Variants in MYLIP observed in about 807,000 individuals in gnomAD.
The protein encoded by MYLIP is E3 ubiquitin-protein ligase MYLIP.
A neutral mutation model predicts 45.8 loss-of-function variants in MYLIP; 26 were observed. The ratio of observed to expected loss-of-function variants is 0.57; its 90% CI spans 0.42 to 0.79. The LOEUF is 0.79. Ranked by LOEUF, MYLIP falls within the 30% of genes least tolerant of loss-of-function variation. MYLIP has a pLI of 0.00. For synonymous variants in MYLIP, 213 were observed against 218.1 expected (o/e 0.98, Z 0.21); for missense variants, 494 against 555.6 (o/e 0.89, Z 1.11).
chr6:16,157,347 G>T, the MYLIP span, among the ~76,000 whole-genome samples: 1 of 152,322 alleles, frequency 6.6e-6, no homozygotes, highest in Admixed American at 6.5e-5. Context: ...TCAGAGGTGT[G>T]TATGTGTGTT....
Position 16,144,918 on chromosome 6 carries a change from C to T in MYLIP, c.849C>T (p.Ala283=), listed in dbSNP as rs572045771. Residue 283 remains alanine (A), a synonymous_variant, in exon 6 of 7, where the codon GCC becomes GCT. Transcript: ENST00000356840. The part of the protein sequence containing the change: ...AFYRCDTVTS[A]VMMQYSRDLK... ...GCAGGTGTGACACAGTGACCAGCGC[C>T]GTGATGATGCAGTATAGCCGTGACT... 3.2e-5 allele frequency: 51 copies of T among 1,613,682 alleles called. No individual in the cohort carries two copies. Among genetic ancestry groups the T allele is most frequent in the Non-Finnish European group, 3.7e-5 (44 of 1,179,674 alleles).
chr6:16,151,225 C>T (rs1299899319), downstream of MYLIP, among the ~76,000 whole-genome samples: 3 of 151,246 alleles, frequency 2.0e-5, no homozygotes, highest in African/African-American at 4.9e-5. Flanking sequence ...GGCACGGTAG[C>T]GGGTGCCTGC....
At position 16,145,150 on chromosome 6, in the gene MYLIP, A is replaced by G; in HGVS notation, c.1081A>G (p.Ser361Gly). The G allele has an allele frequency of 3.7e-6, 6 of 1,614,222 alleles. No homozygotes were observed. Among genetic ancestry groups the G allele is most frequent in the Non-Finnish European group, 4.2e-6 (5 of 1,180,046 alleles). The change falls in exon 6 of 7, where the codon AGC (serine) becomes GGC (glycine). Residue 361 changes from serine to glycine, a missense_variant. Ser to Gly is a moderately conservative substitution (Grantham distance 56). Transcript: ENST00000356840. ...GTCCTCAGAAAGCAGCATGAACTGC[A>G]GCAGCTGCGAGGGCCTCAGCTGCCA... Reference protein sequence around the residue: ...LKSSESSMNCSSCEGLSCQQT... With the variant: ...LKSSESSMNCGSCEGLSCQQT...
Position 16,143,290 on chromosome 6 carries a change from G to GGAA in MYLIP, c.662+75_662+77dup, listed in dbSNP as rs61711295. 3.6e-3 allele frequency: 5,147 copies of GGAA among 1,448,138 alleles called. 145 individuals are homozygous for GGAA. In the African/African-American group the frequency reaches 0.06, roughly 17 times the overall value. 89.7% of individuals were successfully genotyped at this position (1,448,138 alleles called of 1,614,324 possible). A position where few individuals can be genotyped will look rare whatever the true frequency, so the allele number is the denominator to read the frequency against. ...GTAGCTGTCAATGTAATAGAAAATA[G>GGAA]GAAGGGATTTACTCGACAGTCAGCT... On this transcript the variant is annotated intron_variant, in intron 4 of 6. Coordinates refer to ENST00000356840, the MANE Select transcript of MYLIP (RefSeq NM_013262.4).
chr6:16,147,288 G>A lies in MYLIP; in HGVS notation c.*537G>A, dbSNP rs1759813262. On this transcript the variant is annotated 3_prime_UTR_variant, in exon 7 of 7. Coordinates refer to ENST00000356840, the MANE Select transcript of MYLIP (RefSeq NM_013262.4). Reference sequence around the variant, plus strand: ...TAACTTGATCAAGAATGATTGGAAGGCAAACAGGTTTACAAATCAATTCTG... The same window carrying A: ...TAACTTGATCAAGAATGATTGGAAGACAAACAGGTTTACAAATCAATTCTG... The A allele has an allele frequency of 6.5e-6, 1 of 153,458 alleles. No homozygotes were observed. The highest frequency in any genetic ancestry group is 1.5e-5 in the Non-Finnish European group (1 of 68,608). 9.5% of individuals were successfully genotyped at this position (153,458 alleles called of 1,614,324 possible).
downstream of MYLIP, among the ~76,000 whole-genome samples, chr6:16,149,175 A>C (rs1355797566): frequency 2.0e-5 from 3 of 152,226 alleles, no homozygotes; most frequent in African/African-American, 7.2e-5. Flanking sequence ...AGAATCCACG[A>C]ATACTAGCAT....
chr6:16,130,490 G>A lies in MYLIP; in HGVS notation c.88-67G>A, dbSNP rs373554271. On this transcript the variant is annotated intron_variant, in intron 1 of 6. Coordinates refer to ENST00000356840, the MANE Select transcript of MYLIP (RefSeq NM_013262.4). Reference sequence around the variant, plus strand: ...AAAAGCACCAGCAATCTTAGCCTCAGGGAGCCGTTGGGTTTGCTTTGATAC... The same window carrying A: ...AAAAGCACCAGCAATCTTAGCCTCAAGGAGCCGTTGGGTTTGCTTTGATAC... 2.9e-5 allele frequency: 43 copies of A among 1,479,300 alleles called. No individual in the cohort carries two copies. The East Asian group carries it at 3.4e-4, about 12-fold the overall frequency. 91.6% of individuals were successfully genotyped at this position (1,479,300 alleles called of 1,614,324 possible).
rs765116596 is a variant in MYLIP at position 16,135,748 on chromosome 6, C to CATATATATATATATATATATAT, written c.278+5007_278+5008insATATATATATATATATATATAT. ...TACACACATTATATGTGTGTGTATA[C>CATATATATATATATATATATAT]ATATATCTATATATATATATATATA... On this transcript the variant is annotated intron_variant, in intron 2 of 6. Transcript: ENST00000356840. Among the ~76,000 whole-genome samples, 209 of 113,014 alleles carry CATATATATATATATATATATAT rather than the reference C, an allele frequency of 1.8e-3. 4 individuals are homozygous for CATATATATATATATATATATAT. Among genetic ancestry groups the CATATATATATATATATATATAT allele is most frequent in the Admixed American group, 5.3e-3 (52 of 9,784 alleles). The allele number at this position is 113,014 out of a possible 152,430, so 74.1% of individuals were successfully genotyped here.
chr6:16,144,782 C>A, intron 5 of MYLIP, 115 bp from the exon 6 acceptor site: 1 of 1,176,356 alleles, frequency 8.5e-7, no homozygotes, highest in Non-Finnish European at 1.2e-6. Context: ...TACTTTCATA[C>A]ATGCAGACGA....
chr6:16,152,240 C>T (rs150868560), downstream of MYLIP, among the ~76,000 whole-genome samples: 537 of 152,330 alleles, frequency 3.5e-3, 6 homozygotes, highest in African/African-American at 0.012. Context: ...GTGAAAGCTA[C>T]AGTAAGGAGT....
chr6:16,157,050 G>T, the MYLIP span, among the ~76,000 whole-genome samples: 1 of 152,146 alleles, frequency 6.6e-6, no homozygotes, highest in Non-Finnish European at 1.5e-5. Flanking sequence ...TCCATCTCAG[G>T]TCCCTGTCCC....
intron 2 of MYLIP, 88 bp downstream of exon 2, chr6:16,130,835 C>T: frequency 7.5e-7 from 1 of 1,329,078 alleles, no homozygotes; most frequent in Non-Finnish European, 1.0e-6. Context: ...TACTCACAGG[C>T]AAGTTTGTTT....
chr6:16,141,838 A>C (rs1195674685), intron 3 of MYLIP, 28 bp downstream of exon 3: 2 of 1,574,844 alleles, frequency 1.3e-6, no homozygotes, highest in African/African-American at 2.7e-5. Flanking sequence ...AGTATTGTTT[A>C]CAACTAGAAT....
the MYLIP span, among the ~76,000 whole-genome samples, chr6:16,162,749 T>A: frequency 8.0e-6 from 1 of 125,174 alleles, no homozygotes; most frequent in African/African-American, 3.4e-5. Flanking sequence ...CCAGGAGTTC[T>A]AGACCAGCCT....
chr6:16,162,314 T>C, the MYLIP span, among the ~76,000 whole-genome samples: 1 of 152,244 alleles, frequency 6.6e-6, no homozygotes, highest in Non-Finnish European at 1.5e-5. Flanking sequence ...CTGGGTCTAA[T>C]TCATCATGAT....
Position 16,134,425 on chromosome 6 carries a change from GAACTT to G in MYLIP, c.278+3685_278+3689del, listed in dbSNP as rs1461627089. On this transcript the variant is annotated intron_variant, in intron 2 of 6. Coordinates refer to ENST00000356840, the MANE Select transcript of MYLIP (RefSeq NM_013262.4). ...GTTTTGTAGTGATTATTTTCTGTTT[GAACTT>G]AACTTAGAGCTTCCTCACATTCTTT... Among the ~76,000 whole-genome samples, 3 of 152,146 alleles carry G rather than the reference GAACTT, an allele frequency of 2.0e-5. No homozygotes were observed. In the South Asian group the frequency reaches 6.2e-4, roughly 32 times the overall value.
At chr6:16,156,167 T>C in the MYLIP span, among the ~76,000 whole-genome samples, 3 of 152,286 alleles carry the variant, frequency 2.0e-5, no homozygotes, top group Admixed American at 2.0e-4. Context: ...GGGGTTTTTA[T>C]GGGCACAAGA....
chr6:16,156,691 T>G, the MYLIP span, among the ~76,000 whole-genome samples: 1 of 152,224 alleles, frequency 6.6e-6, no homozygotes, highest in African/African-American at 2.4e-5. Context: ...ATCCGTGGCT[T>G]GGGAATAAAG....
chr6:16,143,303 T>A (rs1759714910), intron 4 of MYLIP, 86 bp downstream of exon 4: 1 of 1,323,776 alleles, frequency 7.6e-7, no homozygotes, highest in Admixed American at 1.7e-5. Flanking sequence ...AGGGATTTAC[T>A]CGACAGTCAG....
Sources: gnomAD v4.1 joint callset for allele counts (sites outside exome capture counted in the v4.1 genomes callset) on GRCh38, gnomAD v4.1.1 for gene constraint, MANE v1.5 for transcripts, NCBI Gene and HGNC (gene_info 2026-07-23, HGNC 2026-07-21) for gene names.